PCDH15: variants seen among roughly 807,000 people sequenced by gnomAD.
PCDH15 encodes protocadherin related 15, also known as protocadherin-15.
PCDH15 carries 129 observed loss-of-function variants against 178.5 expected under a neutral mutation model. The ratio of observed to expected loss-of-function variants is 0.72; its 90% CI spans 0.63 to 0.84. PCDH15 has a LOEUF of 0.84. Among genes scored for constraint, PCDH15 ranks in the 40% least tolerant of loss-of-function variants. The pLI is 0.00. For synonymous variants in PCDH15, 800 were observed against 732.0 expected (o/e 1.09, Z -1.50); for missense variants, 2,230 against 2,099.9 (o/e 1.06, Z -1.21).
intron 2 of PCDH15, among the ~76,000 whole-genome samples, chr10:55,005,296 C>T (rs1839901724): frequency 6.6e-6 from 1 of 151,320 alleles, no homozygotes; most frequent in African/African-American, 2.4e-5. Flanking sequence ...TATGTGGCCA[C>T]CACCCTCCAA....
At chr10:55,609,921 C>G (rs1038351413) in intron 2 of PCDH15, among the ~76,000 whole-genome samples, 4 of 151,950 alleles carry the variant, frequency 2.6e-5, no homozygotes, top group Non-Finnish European at 4.4e-5. Flanking sequence ...GCTCCGTAAA[C>G]AATACTGTCA....
intron 2 of PCDH15, among the ~76,000 whole-genome samples, chr10:55,075,845 C>A (rs1024234902): frequency 2.6e-5 from 4 of 151,806 alleles, no homozygotes; most frequent in African/African-American, 9.7e-5. Flanking sequence ...TATTTGAAGT[C>A]TCTTTATTTT....
intron 29 of PCDH15, 129 bp downstream of exon 29, chr10:53,840,191 T>C: frequency 8.6e-7 from 1 of 1,157,546 alleles, no homozygotes; most frequent in Admixed American, 1.9e-5. Flanking sequence ...TTCAGGTTCT[T>C]TGCTTACACT....
At chr10:53,899,372 T>A (rs1172174853) in intron 26 of PCDH15, among the ~76,000 whole-genome samples, 3 of 152,162 alleles carry the variant, frequency 2.0e-5, no homozygotes, top group Non-Finnish European at 4.4e-5. Flanking sequence ...TTCAACAATG[T>A]TTTTATTGTG....
At chr10:54,682,187 A>AT (rs5785089) in intron 1 of PCDH15, among the ~76,000 whole-genome samples, 2 of 151,974 alleles carry the variant, frequency 1.3e-5, no homozygotes, top group African/African-American at 2.4e-5. Flanking sequence ...TACTATTTTT[A>AT]TTTTTTTTAT....
chr10:54,805,621 C>G (rs1952767471), upstream of PCDH15, among the ~76,000 whole-genome samples: 1 of 151,728 alleles, frequency 6.6e-6, no homozygotes, highest in Non-Finnish European at 1.5e-5. Context: ...TTTTTTTAAC[C>G]CTAGCACTTA....
intron 5 of PCDH15, among the ~76,000 whole-genome samples, chr10:54,363,934 C>T (rs114257666): frequency 0.018 from 2,731 of 152,132 alleles, 88 homozygotes; most frequent in African/African-American, 0.062. Flanking sequence ...AAATATTGGA[C>T]GGTCACAGTG....
chr10:54,429,129 C>T (rs992892924), intron 3 of PCDH15, among the ~76,000 whole-genome samples: 3 of 151,976 alleles, frequency 2.0e-5, no homozygotes, highest in Non-Finnish European at 4.4e-5. Flanking sequence ...CTTTTCAAAA[C>T]ATAGACAGTA....
At chr10:55,088,908 GCACCCTAAAA>G (rs1381882017) in intron 2 of PCDH15, among the ~76,000 whole-genome samples, 1 of 151,930 alleles carries the variant, frequency 6.6e-6, no homozygotes, top group African/African-American at 2.4e-5. Context: ...TAAATATTTA[GCACCCTAAAA>G]CATATATATT....
chr10:55,555,738 T>C (rs969762147), intron 2 of PCDH15, among the ~76,000 whole-genome samples: 2 of 152,130 alleles, frequency 1.3e-5, no homozygotes, highest in Admixed American at 6.6e-5. Context: ...TTTTTTTTCC[T>C]TTTAAGTGAT....
At chr10:54,314,388 T>C (rs2061105006) in intron 8 of PCDH15, among the ~76,000 whole-genome samples, 1 of 152,042 alleles carries the variant, frequency 6.6e-6, no homozygotes, top group South Asian at 2.1e-4. Flanking sequence ...CCCACCCTCT[T>C]GTAGAAATTT....
chr10:53,835,462 A>C (rs1168916916), intron 29 of PCDH15, among the ~76,000 whole-genome samples: 2 of 152,214 alleles, frequency 1.3e-5, no homozygotes, highest in Non-Finnish European at 2.9e-5. Flanking sequence ...AGCAACAACA[A>C]AATGACAAAA....
chr10:54,883,578 T>C (rs1954300886), intron 3 of PCDH15, among the ~76,000 whole-genome samples: 1 of 151,948 alleles, frequency 6.6e-6, no homozygotes, highest in African/African-American at 2.4e-5. Flanking sequence ...CACCTTCATA[T>C]TTATATATCT....
intron 2 of PCDH15, among the ~76,000 whole-genome samples, chr10:55,552,809 A>C (rs1842025778): frequency 2.0e-5 from 3 of 151,596 alleles, no homozygotes; most frequent in Admixed American, 2.0e-4. Flanking sequence ...AAAGAGAAAA[A>C]GTAAGCAAAT....
intron 1 of PCDH15, among the ~76,000 whole-genome samples, chr10:54,687,521 A>T (rs1403110663): frequency 2.0e-5 from 3 of 152,082 alleles, no homozygotes; most frequent in Non-Finnish European, 1.5e-5. Flanking sequence ...TTTGAATCTT[A>T]TGCTTGGCTA....
chr10:54,996,330 TATGCCGTC>T (rs1839643233), intron 2 of PCDH15, among the ~76,000 whole-genome samples: 2 of 152,158 alleles, frequency 1.3e-5, no homozygotes, highest in African/African-American at 4.8e-5. Context: ...GATAGCTGGA[TATGCCGTC>T]CTCAATTTGG....
Position 54,999,604 on chromosome 10 carries a change from C to T in PCDH15, c.-79-102104G>A, listed in dbSNP as rs555318123. 5.7e-3 allele frequency among the ~76,000 whole-genome samples: 871 copies of T among 152,238 alleles called. 9 individuals carry two copies. Among genetic ancestry groups the T allele is most frequent in the Non-Finnish European group, 8.8e-3 (601 of 68,022 alleles). On this transcript the variant is annotated intron_variant, in intron 2 of 5. Coordinates refer to the PCDH15 transcript ENST00000458638. The stretch of plus-strand genomic sequence containing the variant: ...TTCAGTGTGGGAGGTGCAGCTGGTG[C>T]TGCGTGCTTCAGAGATGGTGGGAGC...
intron 25 of PCDH15, chr10:53,907,216 G>A (rs1369876446): frequency 6.6e-6 from 1 of 152,146 alleles, no homozygotes; most frequent in African/African-American, 2.4e-5. Context: ...AAGCTTGGAA[G>A]CAACTCTGAT....
chr10:55,548,672 T>C (rs1200253753), intron 2 of PCDH15, among the ~76,000 whole-genome samples: 2 of 152,128 alleles, frequency 1.3e-5, no homozygotes, highest in Non-Finnish European at 2.9e-5. Flanking sequence ...GCATACACTT[T>C]AGCAACAGTA....
Sources: allele counts gnomAD v4.1 joint callset (sites outside exome capture counted in the v4.1 genomes callset), GRCh38; gene constraint gnomAD v4.1.1; transcripts MANE v1.5; gene names NCBI Gene and HGNC (gene_info 2026-07-23, HGNC 2026-07-21).